Variants in PDGFD observed in about 807,000 individuals in gnomAD.
PDGFD encodes the protein platelet-derived growth factor D.
PDGFD carries 30 observed loss-of-function variants against 44.7 expected under a neutral mutation model. That is an observed-to-expected ratio of 0.67 (90% confidence interval 0.50 to 0.91). The LOEUF is 0.91. Ranked by LOEUF, PDGFD falls within the 40% of genes least tolerant of loss-of-function variation. PDGFD has a pLI of 0.00. For missense variants in PDGFD, 445 were observed against 457.8 expected (o/e 0.97, Z 0.25); for synonymous variants, 173 against 168.4 (o/e 1.03, Z -0.21).
intron 1 of PDGFD, among the ~76,000 whole-genome samples, chr11:104,006,669 T>C (rs1859706530): frequency 6.6e-6 from 1 of 152,136 alleles, no homozygotes; most frequent in South Asian, 2.1e-4. Context: ...TGCAGAAGAA[T>C]GGACGAACAG....
chr11:104,032,408 T>C (rs376217093), intron 1 of PDGFD, among the ~76,000 whole-genome samples: 7 of 152,152 alleles, frequency 4.6e-5, no homozygotes, highest in African/African-American at 1.7e-4. Flanking sequence ...ACTCTCTTAA[T>C]AAGTCTTGAT....
At chr11:104,081,038 C>T (rs1264695785) in intron 1 of PDGFD, among the ~76,000 whole-genome samples, 1 of 152,210 alleles carries the variant, frequency 6.6e-6, no homozygotes, top group Non-Finnish European at 1.5e-5. Context: ...TTTCATAAAA[C>T]AATTAGTAGA....
chr11:104,143,417 CTT>C (rs895291394), intron 1 of PDGFD, among the ~76,000 whole-genome samples: 4 of 152,180 alleles, frequency 2.6e-5, no homozygotes, highest in African/African-American at 9.7e-5. Flanking sequence ...AGCAGAAACT[CTT>C]TACTTCTTGG....
chr11:104,137,816 T>G (rs1862033182), intron 1 of PDGFD, among the ~76,000 whole-genome samples: 1 of 140,154 alleles, frequency 7.1e-6, no homozygotes, highest in African/African-American at 2.6e-5. Context: ...CATTTGACAC[T>G]CCTGCCTTTC....
At chr11:104,103,359 T>A (rs180989193) in intron 1 of PDGFD, among the ~76,000 whole-genome samples, 223 of 151,828 alleles carry the variant, frequency 1.5e-3, no homozygotes, top group African/African-American at 5.3e-3. Context: ...ACCCTATTTG[T>A]GTGTATCCAC....
chr11:104,063,411 AT>A (rs1860742906), intron 1 of PDGFD, among the ~76,000 whole-genome samples: 2 of 152,010 alleles, frequency 1.3e-5, no homozygotes, highest in Admixed American at 1.3e-4. Flanking sequence ...TAATTAGGTT[AT>A]CCTGGGAACA....
chr11:104,117,366 T>C (rs1861657811), intron 1 of PDGFD, among the ~76,000 whole-genome samples: 1 of 151,968 alleles, frequency 6.6e-6, no homozygotes, highest in Non-Finnish European at 1.5e-5. Flanking sequence ...AACATAGTAC[T>C]GGAAGTCCTA....
At chr11:104,034,601 G>C (rs914490050) in intron 1 of PDGFD, among the ~76,000 whole-genome samples, 4 of 151,854 alleles carry the variant, frequency 2.6e-5, no homozygotes, top group Non-Finnish European at 5.9e-5. Context: ...GTACACCTGG[G>C]AGTACCAAGC....
intron 1 of PDGFD, among the ~76,000 whole-genome samples, chr11:104,158,182 T>C (rs1276757151): frequency 6.6e-6 from 1 of 152,194 alleles, no homozygotes; most frequent in Non-Finnish European, 1.5e-5. Flanking sequence ...CACACTTAAA[T>C]TGCAAAATAC....
At chr11:104,118,932 T>C (rs1157097705) in intron 1 of PDGFD, among the ~76,000 whole-genome samples, 1 of 102,638 alleles carries the variant, frequency 9.7e-6, no homozygotes, top group African/African-American at 4.1e-5. Flanking sequence ...TATATTATTA[T>C]AATATATATT....
chr11:104,076,780 C>G (rs1860966773), intron 1 of PDGFD, among the ~76,000 whole-genome samples: 2 of 152,184 alleles, frequency 1.3e-5, no homozygotes, highest in African/African-American at 4.8e-5. Flanking sequence ...ACCCTTAAGA[C>G]AGCAAGACCA....
At chr11:104,085,952 G>A (rs921550885) in intron 1 of PDGFD, among the ~76,000 whole-genome samples, 7 of 152,186 alleles carry the variant, frequency 4.6e-5, no homozygotes. Context: ...GCGATTCACT[G>A]AGTTAGGGGT....
chr11:103,960,689 A>G (rs1858921664), intron 3 of PDGFD, among the ~76,000 whole-genome samples: 1 of 152,182 alleles, frequency 6.6e-6, no homozygotes, highest in Admixed American at 6.6e-5. Context: ...CTTGTGTCTT[A>G]GTCAGTTGGA....
At chr11:104,118,779 A>ATGTAT (rs1565340106) in intron 1 of PDGFD, among the ~76,000 whole-genome samples, 1 of 93,128 alleles carries the variant, frequency 1.1e-5, no homozygotes, top group Non-Finnish European at 2.0e-5. Flanking sequence ...TTAATATATA[A>ATGTAT]TATATTATAT....
chr11:103,988,728 G>T (rs900566697), intron 3 of PDGFD, among the ~76,000 whole-genome samples: 1 of 152,102 alleles, frequency 6.6e-6, no homozygotes, highest in Non-Finnish European at 1.5e-5. Context: ...TGTGACCACA[G>T]GCATGCTCCT....
chr11:103,988,183 A>C, intron 3 of PDGFD, among the ~76,000 whole-genome samples: 1 of 151,996 alleles, frequency 6.6e-6, no homozygotes. Context: ...TCATTTTCTT[A>C]ATCTATCAAA....
At chr11:103,931,784 C>T (rs182959848) in intron 5 of PDGFD, among the ~76,000 whole-genome samples, 90 of 152,222 alleles carry the variant, frequency 5.9e-4, no homozygotes, top group Non-Finnish European at 1.2e-3. Context: ...TAGAGTTTCA[C>T]CATGTTGGCA....
At chr11:104,082,902 A>G (rs1377340008) in intron 1 of PDGFD, among the ~76,000 whole-genome samples, 1 of 152,172 alleles carries the variant, frequency 6.6e-6, no homozygotes, top group African/African-American at 2.4e-5. Context: ...TACAGGCATG[A>G]GCCCCTACTT....
intron 1 of PDGFD, among the ~76,000 whole-genome samples, chr11:104,156,078 T>C (rs980515656): frequency 1.3e-5 from 2 of 152,182 alleles, no homozygotes; most frequent in Non-Finnish European, 2.9e-5. Flanking sequence ...AAAAGGTAAG[T>C]ATGTGAGGTA....
Sources: allele counts gnomAD v4.1 joint callset (sites outside exome capture counted in the v4.1 genomes callset), GRCh38; gene constraint gnomAD v4.1.1; transcripts MANE v1.5; gene names NCBI Gene and HGNC (gene_info 2026-07-23, HGNC 2026-07-21).